Variants in IFT80 observed in about 807,000 individuals in gnomAD.
IFT80 encodes intraflagellar transport 80, also known as intraflagellar transport protein 80 homolog.
A neutral mutation model predicts 107.9 loss-of-function variants in IFT80; 79 were observed. That is an observed-to-expected ratio of 0.73 (90% confidence interval 0.61 to 0.88). The LOEUF is 0.88. Ranked by LOEUF, IFT80 falls within the 40% of genes least tolerant of loss-of-function variation. The pLI is 0.00. For synonymous variants in IFT80, 299 were observed against 300.9 expected (o/e 0.99, Z 0.07); for missense variants, 797 against 914.2 (o/e 0.87, Z 1.65).
chr3:160,269,056 C>A (rs1394275226), intron 18 of IFT80, among the ~76,000 whole-genome samples: 3 of 152,104 alleles, frequency 2.0e-5, no homozygotes, highest in Middle Eastern at 3.4e-3. Flanking sequence ...TGGCGAAACC[C>A]TGTCTCTGCT....
intron 3 of IFT80, among the ~76,000 whole-genome samples, chr3:160,379,173 G>C (rs923455273): frequency 6.6e-6 from 1 of 152,040 alleles, no homozygotes; most frequent in South Asian, 2.1e-4. Flanking sequence ...CATATAAATT[G>C]AATCTAATCA....
intron 5 of IFT80, among the ~76,000 whole-genome samples, chr3:160,367,331 A>G (rs1721936706): frequency 6.6e-6 from 1 of 152,054 alleles, no homozygotes; most frequent in Admixed American, 6.6e-5. Flanking sequence ...AAACTGACTC[A>G]ATGCATAAAG....
At chr3:160,379,749 C>A (rs367580810) in intron 3 of IFT80, among the ~76,000 whole-genome samples, 1 of 152,140 alleles carries the variant, frequency 6.6e-6, no homozygotes, top group Non-Finnish European at 1.5e-5. Flanking sequence ...CCTTTATCAC[C>A]TGAGGTAAAC....
chr3:160,321,954 G>C (rs929861637), intron 8 of IFT80, among the ~76,000 whole-genome samples: 1 of 151,692 alleles, frequency 6.6e-6, no homozygotes, highest in African/African-American at 2.4e-5. Context: ...CCCTGAGCAT[G>C]CTTGTTTAAG....
chr3:160,372,435 T>C (rs974703092), intron 5 of IFT80, among the ~76,000 whole-genome samples: 1 of 152,208 alleles, frequency 6.6e-6, no homozygotes, highest in African/African-American at 2.4e-5. Context: ...TTAGGGACCT[T>C]TCCTTTTGGG....
At chr3:160,380,357 T>A (rs1712379226) in intron 3 of IFT80, among the ~76,000 whole-genome samples, 1 of 152,096 alleles carries the variant, frequency 6.6e-6, no homozygotes, top group African/African-American at 2.4e-5. Flanking sequence ...CCCAAGCTCA[T>A]TAAGGGTCCC....
At chr3:160,395,926 A>C (rs191520987) in intron 1 of IFT80, among the ~76,000 whole-genome samples, 4 of 152,232 alleles carry the variant, frequency 2.6e-5, no homozygotes, top group East Asian at 1.9e-4. Context: ...TTCTTCTTAC[A>C]TTCTAAAAAT....
At chr3:160,359,085 G>A (rs1443097480) in intron 6 of IFT80, among the ~76,000 whole-genome samples, 1 of 152,054 alleles carries the variant, frequency 6.6e-6, no homozygotes, top group African/African-American at 2.4e-5. Context: ...ACTTTTTTGT[G>A]GACAATCCTA....
At chr3:160,389,813 C>A (rs1266194743) in intron 1 of IFT80, among the ~76,000 whole-genome samples, 2 of 152,038 alleles carry the variant, frequency 1.3e-5, no homozygotes, top group African/African-American at 4.8e-5. Context: ...GTCTTTATAG[C>A]AGCATGATTT....
chr3:160,278,970 T>C (rs1045681754), intron 16 of IFT80, among the ~76,000 whole-genome samples: 2 of 152,206 alleles, frequency 1.3e-5, no homozygotes, highest in African/African-American at 4.8e-5. Context: ...GATTTTTATA[T>C]GTGCCAGTAT....
chr3:160,342,323 A>T (rs1188599651), intron 8 of IFT80, among the ~76,000 whole-genome samples: 1 of 152,182 alleles, frequency 6.6e-6, no homozygotes, highest in Non-Finnish European at 1.5e-5. Flanking sequence ...CGAAATAAGC[A>T]ATCATACTAA....
At chr3:160,304,623 G>C (rs1716701965) in intron 10 of IFT80, among the ~76,000 whole-genome samples, 1 of 151,720 alleles carries the variant, frequency 6.6e-6, no homozygotes, top group African/African-American at 2.4e-5. Flanking sequence ...TTTTAGTAGA[G>C]GCAGGGTTTC....
intron 8 of IFT80, among the ~76,000 whole-genome samples, chr3:160,322,753 T>C (rs1293992007): frequency 6.6e-6 from 1 of 152,136 alleles, no homozygotes; most frequent in African/African-American, 2.4e-5. Flanking sequence ...TGGTATCTCA[T>C]TGTGCTTTTG....
At chr3:160,352,472 G>A (rs1463041053) in intron 8 of IFT80, among the ~76,000 whole-genome samples, 1 of 151,948 alleles carries the variant, frequency 6.6e-6, no homozygotes, top group Admixed American at 6.6e-5. Context: ...ACTAAGCATT[G>A]CCCATTTCAG....
intron 3 of IFT80, among the ~76,000 whole-genome samples, chr3:160,381,191 C>T (rs181457957): frequency 6.9e-6 from 1 of 144,436 alleles, no homozygotes; most frequent in African/African-American, 2.5e-5. Context: ...GAGCTATGAT[C>T]ACACCACTGC....
At chr3:160,325,007 T>C (rs2108307528) in intron 8 of IFT80, among the ~76,000 whole-genome samples, 1 of 150,012 alleles carries the variant, frequency 6.7e-6, no homozygotes, top group African/African-American at 2.4e-5. Context: ...GAGAGCCAAA[T>C]CATGAGTGAA....
At chr3:160,283,877 A>G (rs1027139479) in intron 13 of IFT80, among the ~76,000 whole-genome samples, 2 of 152,168 alleles carry the variant, frequency 1.3e-5, no homozygotes, top group Non-Finnish European at 2.9e-5. Flanking sequence ...CATAGGTTCT[A>G]TTCCTCCTGG....
Position 160,265,940 on chromosome 3 carries a change from TGAAA to T in IFT80, c.2223+2469_2223+2472del, listed in dbSNP as rs1713281930. On this transcript the variant is annotated intron_variant, in intron 19 of 19. Coordinates refer to ENST00000326448, the MANE Select transcript of IFT80 (RefSeq NM_020800.3). ...ATTATGACTAGATTATAGACTTAAATGAAACCAAAAGGTCAGCAAGTAATGCAGA... is the reference window on the plus strand; with the variant it reads ...ATTATGACTAGATTATAGACTTAAATCCAAAAGGTCAGCAAGTAATGCAGA... Among the ~76,000 whole-genome samples the T allele has an allele frequency of 3.3e-5, 5 of 152,198 alleles. 1 individual carries two copies. In the South Asian group the frequency reaches 1.0e-3, roughly 31 times the overall value.
intron 6 of IFT80, among the ~76,000 whole-genome samples, chr3:160,363,822 T>C (rs1721668222): frequency 6.6e-6 from 1 of 152,228 alleles, no homozygotes; most frequent in Admixed American, 6.5e-5. Context: ...AAGCTGAAAC[T>C]GGTTCCCTTC....
Sources: gnomAD v4.1 joint callset for allele counts (sites outside exome capture counted in the v4.1 genomes callset) on GRCh38, gnomAD v4.1.1 for gene constraint, MANE v1.5 for transcripts, NCBI Gene and HGNC (gene_info 2026-07-23, HGNC 2026-07-21) for gene names.